MTUS2: variants seen among roughly 807,000 people sequenced by gnomAD.
MTUS2 encodes the protein microtubule-associated tumor suppressor candidate 2.
Under a neutral mutation model 114.1 loss-of-function variants are expected in MTUS2, and 40 were observed. The observed-to-expected ratio is 0.35, with a 90% CI of 0.27 to 0.46. The LOEUF (loss-of-function observed/expected upper bound fraction) is 0.46. Ranked by LOEUF, MTUS2 falls within the 20% of genes least tolerant of loss-of-function variation. MTUS2 has a pLI of 1.00. For missense variants in MTUS2, 1,679 were observed against 1,705.4 expected (o/e 0.98, Z 0.27); for synonymous variants, 688 against 672.0 (o/e 1.02, Z -0.37).
chr13:28,968,375 G>C (rs147276179), intron 2 of MTUS2, among the ~76,000 whole-genome samples: 2 of 152,176 alleles, frequency 1.3e-5, no homozygotes, highest in East Asian at 3.9e-4. Context: ...TGGCAAATAC[G>C]TCATTGCAAT....
intron 5 of MTUS2, among the ~76,000 whole-genome samples, chr13:29,203,107 C>G (rs1049347730): frequency 1.3e-5 from 2 of 152,178 alleles, no homozygotes; most frequent in Admixed American, 6.5e-5. Flanking sequence ...GAAGCTGCAC[C>G]CACAGCTGCC....
chr13:28,989,863 T>G (rs9579257), intron 2 of MTUS2, among the ~76,000 whole-genome samples: 66,648 of 150,940 alleles, frequency 0.44, 15,314 homozygotes, highest in East Asian at 0.67. Context: ...TTTTTTTTTT[T>G]TTTTGCAGAA....
intron 2 of MTUS2, among the ~76,000 whole-genome samples, chr13:28,861,855 C>T (rs1388156199): frequency 6.6e-6 from 1 of 152,170 alleles, no homozygotes; most frequent in Non-Finnish European, 1.5e-5. Context: ...GAAATGCCCT[C>T]CTGTGCCTGG....
At chr13:29,428,004 A>T (rs1261079279) in intron 8 of MTUS2, among the ~76,000 whole-genome samples, 1 of 152,228 alleles carries the variant, frequency 6.6e-6, no homozygotes, top group Non-Finnish European at 1.5e-5. Context: ...CAAGTCCTTC[A>T]AGGCTTTTAT....
At chr13:29,486,219 C>T (rs1030570627) in intron 10 of MTUS2, among the ~76,000 whole-genome samples, 5 of 152,156 alleles carry the variant, frequency 3.3e-5, no homozygotes, top group African/African-American at 4.8e-5. Context: ...TTGTGCACCA[C>T]GTCCGTTCTC....
intron 2 of MTUS2, among the ~76,000 whole-genome samples, chr13:28,905,192 A>T (rs1879914174): frequency 6.6e-6 from 1 of 151,612 alleles, no homozygotes; most frequent in Non-Finnish European, 1.5e-5. Flanking sequence ...CAATCATGTC[A>T]TCTGCAAACA....
At chr13:28,966,223 A>G (rs988179564) in intron 2 of MTUS2, among the ~76,000 whole-genome samples, 1 of 152,250 alleles carries the variant, frequency 6.6e-6, no homozygotes, top group Non-Finnish European at 1.5e-5. Flanking sequence ...CTTTTGCATT[A>G]GCACCAACAT....
chr13:29,389,791 GTATATACATACATATGTGTA>G (rs1310183001), intron 8 of MTUS2, among the ~76,000 whole-genome samples: 17 of 79,880 alleles, frequency 2.1e-4, no homozygotes, highest in African/African-American at 8.7e-4. Flanking sequence ...GTGTGTATAT[GTATATACATACATATGTGTA>G]TATATACATA....
intron 2 of MTUS2, among the ~76,000 whole-genome samples, chr13:28,888,403 G>A (rs1344618152): frequency 6.8e-6 from 1 of 147,588 alleles, no homozygotes; most frequent in Non-Finnish European, 1.5e-5. Context: ...CATCTATCTG[G>A]TTTTCCTCTT....
chr13:29,318,525 TAA>T (rs1265788878), intron 6 of MTUS2, among the ~76,000 whole-genome samples: 2 of 152,256 alleles, frequency 1.3e-5, no homozygotes, highest in Admixed American at 6.5e-5. Flanking sequence ...CCTCATTTTT[TAA>T]AATCTATAAT....
chr13:29,216,252 C>G (rs761713879), intron 5 of MTUS2, among the ~76,000 whole-genome samples: 2 of 152,154 alleles, frequency 1.3e-5, no homozygotes, highest in African/African-American at 2.4e-5. Context: ...TGTCCCAGGT[C>G]GATTCAGAGT....
At position 29,026,489 on chromosome 13, in the gene MTUS2, C is replaced by T. The variant is rs1015663836; in HGVS notation, c.1791C>T (p.Ile597=). Residue 597 remains isoleucine, a synonymous_variant, in exon 3 of 16, where the codon ATC becomes ATT. Transcript: ENST00000612955. ...VPDKNTCPSG[I]PKPVFTHSKD... ...ACAAGAACACTTGCCCCAGTGGGATCCCCAAGCCTGTCTTCACACATTCCA... is the reference window on the plus strand; with the variant it reads ...ACAAGAACACTTGCCCCAGTGGGATTCCCAAGCCTGTCTTCACACATTCCA... 1 of 1,613,962 alleles carries T rather than the reference C, an allele frequency of 6.2e-7. No individual in the cohort carries two copies. Among genetic ancestry groups the T allele is most frequent in the Non-Finnish European group, 8.5e-7 (1 of 1,179,882 alleles).
intron 2 of MTUS2, among the ~76,000 whole-genome samples, chr13:28,915,153 C>T (rs1056521259): frequency 6.6e-6 from 1 of 151,614 alleles, no homozygotes; most frequent in Non-Finnish European, 1.5e-5. Flanking sequence ...CAGAACAGTA[C>T]TTCATTTTGT....
rs111986106 is a variant in MTUS2, at chr13:29,218,150, C to CA, written c.2645-63544dup. The stretch of plus-strand genomic sequence containing the variant: ...AAAACCAAACCAAAACAAAACAAAA[C>CA]AAAAAAAAAACACCTAAAAACCCCA... On this transcript the variant is annotated intron_variant, in intron 5 of 15. Transcript: ENST00000612955. 3.3e-3 allele frequency among the ~76,000 whole-genome samples: 477 copies of CA among 145,474 alleles called. 1 individual carries two copies. The highest frequency in any genetic ancestry group is 5.5e-3 in the African/African-American group (219 of 39,754).
At chr13:29,002,285 C>A (rs918865503) in intron 2 of MTUS2, among the ~76,000 whole-genome samples, 1 of 152,116 alleles carries the variant, frequency 6.6e-6, no homozygotes, top group African/African-American at 2.4e-5. Flanking sequence ...CCTCAGCTGT[C>A]TTAATAGTAA....
chr13:29,034,235 C>G (rs1386950184), intron 4 of MTUS2, 110 bp downstream of exon 4: 14 of 1,424,160 alleles, frequency 9.8e-6, no homozygotes, highest in Non-Finnish European at 1.3e-5. Flanking sequence ...TTAAGGAGAG[C>G]CTTTTTCTGT....
At position 29,481,090 on chromosome 13, in the gene MTUS2, C is replaced by T. The variant is rs1475004187; in HGVS notation, c.3399+726C>T. ...TAAGTTAGAATTGCCTGCCAACTCT[C>T]CTGCTGGATCCTGGCACCTGGATCC... On this transcript the variant is annotated intron_variant, in intron 10 of 15. Coordinates refer to ENST00000612955, the MANE Select transcript of MTUS2 (RefSeq NM_001033602.4). Among the ~76,000 whole-genome samples, 3 of 152,328 alleles carry T rather than the reference C, an allele frequency of 2.0e-5. No homozygotes were observed. The South Asian group carries it at 6.2e-4, about 32-fold the overall frequency.
At chr13:29,389,293 GTGTGTATA>G (rs1171535185) in intron 8 of MTUS2, among the ~76,000 whole-genome samples, 27 of 146,656 alleles carry the variant, frequency 1.8e-4, no homozygotes, top group African/African-American at 4.9e-4. Context: ...ATACACATAT[GTGTGTATA>G]TGTGTATATA....
chr13:29,047,535 A>G (rs967784056), intron 4 of MTUS2, among the ~76,000 whole-genome samples: 7 of 144,034 alleles, frequency 4.9e-5, no homozygotes, highest in Non-Finnish European at 3.0e-5. Context: ...TTTTTCTGAG[A>G]CAGAGTCTTG....
Sources: gnomAD v4.1 joint callset for allele counts (sites outside exome capture counted in the v4.1 genomes callset) on GRCh38, gnomAD v4.1.1 for gene constraint, MANE v1.5 for transcripts, NCBI Gene and HGNC (gene_info 2026-07-23, HGNC 2026-07-21) for gene names.